AHI1: variants seen among roughly 807,000 people sequenced by gnomAD.
AHI1 encodes Abelson helper integration site 1.
AHI1 carries 123 observed loss-of-function variants against 149.3 expected under a neutral mutation model. The ratio of observed to expected loss-of-function variants is 0.82; its 90% CI spans 0.71 to 0.96. AHI1 has a LOEUF of 0.96. Ranked by LOEUF, AHI1 falls within the 40% of genes least tolerant of loss-of-function variation. AHI1 has a pLI of 0.00. For synonymous variants in AHI1, 475 were observed against 459.8 expected (o/e 1.03, Z -0.42); for missense variants, 1,439 against 1,422.7 (o/e 1.01, Z -0.18).
At position 135,457,583 on chromosome 6, in the gene AHI1, T is replaced by C; in HGVS notation, c.1062A>G (p.Arg354=). 6.2e-7 allele frequency: 1 copy of C among 1,613,962 alleles called. No homozygotes were observed. The highest frequency in any genetic ancestry group is 8.5e-7 in the Non-Finnish European group (1 of 1,179,878). The change falls in exon 9 of 29, where the codon AGA becomes AGG. Residue 354 remains arginine, a synonymous_variant. Transcript: ENST00000265602. ...VLGVYIHRTD[R]LKSDFMISHP... is the part of the protein sequence containing the mutation. ...GAGAAATCATAAAATCTGACTTAAGTCTATCAGTTCGGTGAATGTAAACTC... is the reference window on the plus strand; with the variant it reads ...GAGAAATCATAAAATCTGACTTAAGCCTATCAGTTCGGTGAATGTAAACTC...
At chr6:135,398,757 T>C (rs565608783) in intron 22 of AHI1, among the ~76,000 whole-genome samples, 1 of 152,166 alleles carries the variant, frequency 6.6e-6, no homozygotes, top group Non-Finnish European at 1.5e-5. Context: ...GAACTTCTCA[T>C]TTCCAAACTT....
chr6:135,478,486 C>G (rs966814311), intron 5 of AHI1, among the ~76,000 whole-genome samples: 15 of 152,136 alleles, frequency 9.9e-5, no homozygotes, highest in African/African-American at 3.4e-4. Context: ...TTTAGGGTAT[C>G]TGGTGAAAGA....
chr6:135,404,023 T>TA (rs574769718), intron 22 of AHI1, among the ~76,000 whole-genome samples: 112 of 142,638 alleles, frequency 7.9e-4, no homozygotes, highest in East Asian at 1.0e-3. Flanking sequence ...CCCACTGAAT[T>TA]AAAAAAAAAA....
chr6:135,446,916 T>C, intron 13 of AHI1, 92 bp downstream of exon 13: 7 of 1,315,094 alleles, frequency 5.3e-6, no homozygotes, highest in Non-Finnish European at 7.2e-6. Context: ...AGCAAGCATT[T>C]TAAGTAGTAA....
chr6:135,318,621 A>C lies in AHI1; in HGVS notation c.3329-5T>G, dbSNP rs771191530. 2 of 1,585,564 alleles carry C rather than the reference A, an allele frequency of 1.3e-6. No individual in the cohort carries two copies. The highest frequency in any genetic ancestry group is 1.2e-5 in the South Asian group (1 of 85,816). ...GAGGCAGTTCTTGATACAGTGCTGA[A>C]ATTGGAAAAAGGAATTCATGTAATC... is the stretch of plus-strand genomic sequence containing the variant. On this transcript the variant is annotated splice_polypyrimidine_tract_variant and splice_region_variant and intron_variant, in intron 25 of 28. Coordinates refer to ENST00000265602, the MANE Select transcript of AHI1 (RefSeq NM_001134831.2).
chr6:135,370,686 T>C (rs1261421852), intron 23 of AHI1, among the ~76,000 whole-genome samples: 3 of 152,262 alleles, frequency 2.0e-5, no homozygotes, highest in African/African-American at 7.2e-5. Flanking sequence ...ATCTCTTTGA[T>C]GGCTTTTTAG....
rs1384617783 is a variant in AHI1 at position 135,448,345 on chromosome 6, T to C, written c.1571A>G (p.Asn524Ser). 1.7e-5 allele frequency: 28 copies of C among 1,611,222 alleles called. No homozygotes were observed. Among genetic ancestry groups the C allele is most frequent in the Non-Finnish European group, 2.2e-5 (26 of 1,178,234 alleles). Residue 524 changes from asparagine to serine, a missense_variant, in exon 12 of 29, where the codon AAT becomes AGT. Asn to Ser is a conservative substitution (Grantham distance 46). Coordinates refer to ENST00000265602, the MANE Select transcript of AHI1 (RefSeq NM_001134831.2). Reference protein sequence around the residue: ...AFEWWSKCPRNHYPSTLYVTV... With the variant: ...AFEWWSKCPRSHYPSTLYVTV... ...TACGTACAGTGTTGATGGGTAATGATTTCTTGGACATTTTGACCACCATTC... is the reference window on the plus strand; with the variant it reads ...TACGTACAGTGTTGATGGGTAATGACTTCTTGGACATTTTGACCACCATTC...
At chr6:135,294,634 G>C (rs75226607) in intron 27 of AHI1, among the ~76,000 whole-genome samples, 1 of 142,870 alleles carries the variant, frequency 7.0e-6, no homozygotes, top group Non-Finnish European at 1.5e-5. Flanking sequence ...AGGTGCAAAG[G>C]CCATTCAGTT....
At chr6:135,382,906 AAAAAAAAAAAAAAAAAAAAAATAT>A (rs1324844369) in intron 23 of AHI1, among the ~76,000 whole-genome samples, 2 of 94,970 alleles carry the variant, frequency 2.1e-5, no homozygotes, top group Non-Finnish European at 4.2e-5. Context: ...AAAAAAAAAA[AAAAAAAAAAAAAAAAAAAAAATAT>A]ATATATATAT....
intron 3 of AHI1, chr6:135,492,706 C>T (rs1795414989): frequency 2.0e-6 from 2 of 985,176 alleles, no homozygotes; most frequent in Admixed American, 6.2e-5. Flanking sequence ...TTGTGGGTAG[C>T]ACACTCACAG....
intron 5 of AHI1, among the ~76,000 whole-genome samples, chr6:135,485,693 A>G (rs1794369244): frequency 6.6e-6 from 1 of 152,002 alleles, no homozygotes; most frequent in South Asian, 2.1e-4. Context: ...TATTGTTTCT[A>G]GCTATAATCT....
At chr6:135,322,808 T>C (rs1406339798) in intron 25 of AHI1, among the ~76,000 whole-genome samples, 1 of 152,192 alleles carries the variant, frequency 6.6e-6, no homozygotes, top group Admixed American at 6.5e-5. Flanking sequence ...CTAGAAGCTC[T>C]TAAGATGCCA....
intron 24 of AHI1, among the ~76,000 whole-genome samples, chr6:135,354,371 G>A (rs970465592): frequency 1.3e-5 from 2 of 152,074 alleles, no homozygotes; most frequent in Non-Finnish European, 2.9e-5. Flanking sequence ...TATATATTCA[G>A]TATGGCTTAT....
At chr6:135,304,017 G>A (rs1346146058) in intron 26 of AHI1, among the ~76,000 whole-genome samples, 2 of 152,182 alleles carry the variant, frequency 1.3e-5, no homozygotes, top group Non-Finnish European at 2.9e-5. Context: ...TAGAATGTAT[G>A]TATGTATATA....
chr6:135,370,334 A>C (rs1774838232), intron 23 of AHI1, among the ~76,000 whole-genome samples: 1 of 152,210 alleles, frequency 6.6e-6, no homozygotes, highest in South Asian at 2.1e-4. Flanking sequence ...TTAAACTTCT[A>C]GAGATTATGG....
chr6:135,463,747 CTTTT>C (rs1443933681), intron 7 of AHI1, among the ~76,000 whole-genome samples: 1 of 151,990 alleles, frequency 6.6e-6, no homozygotes, highest in African/African-American at 2.4e-5. Context: ...TTTGATTTCT[CTTTT>C]TTCTTTTCTT....
intron 23 of AHI1, among the ~76,000 whole-genome samples, chr6:135,371,060 A>T (rs1337501818): frequency 6.6e-6 from 1 of 152,190 alleles, no homozygotes; most frequent in Non-Finnish European, 1.5e-5. Context: ...TTATTTCTCT[A>T]TTCTTTTTAT....
chr6:135,346,874 C>T (rs1791311249), intron 24 of AHI1, among the ~76,000 whole-genome samples: 1 of 152,138 alleles, frequency 6.6e-6, no homozygotes, highest in Admixed American at 6.5e-5. Context: ...CTTCAAAAAC[C>T]ACAGCTTCTG....
intron 23 of AHI1, among the ~76,000 whole-genome samples, chr6:135,388,920 G>A (rs1413631536): frequency 6.6e-6 from 1 of 151,980 alleles, no homozygotes; most frequent in Non-Finnish European, 1.5e-5. Flanking sequence ...GCTGAGGCAC[G>A]AGTATCACTG....
Sources: allele counts gnomAD v4.1 joint callset (sites outside exome capture counted in the v4.1 genomes callset), GRCh38; gene constraint gnomAD v4.1.1; transcripts MANE v1.5; gene names NCBI Gene and HGNC (gene_info 2026-07-23, HGNC 2026-07-21).